The following ANKAR variants were observed in gnomAD, a reference collection of about 807,000 sequenced individuals.
ANKAR encodes the protein ankyrin and armadillo repeat-containing protein.
A neutral mutation model predicts 146.2 loss-of-function variants in ANKAR; 136 were observed. That is an observed-to-expected ratio of 0.93 (90% CI 0.81 to 1.07). The LOEUF (loss-of-function observed/expected upper bound fraction) is 1.07, where lower values mean the gene tolerates loss of function less well. Ranked by LOEUF, ANKAR falls within the 50% of genes least tolerant of loss-of-function variation. The pLI is 0.00. For synonymous variants in ANKAR, 500 were observed against 575.8 expected (o/e 0.87, Z 1.88); for missense variants, 1,567 against 1,679.9 (o/e 0.93, Z 1.18).
chr2:189,707,425 C>A (rs1574509771), intron 9 of ANKAR, among the ~76,000 whole-genome samples: 1 of 111,678 alleles, frequency 9.0e-6, no homozygotes, highest in Admixed American at 1.3e-4. Context: ...CAACTTTCTC[C>A]AGAAGTTCAA....
At chr2:189,681,764 G>A (rs765668671) in intron 2 of ANKAR, among the ~76,000 whole-genome samples, 1 of 152,180 alleles carries the variant, frequency 6.6e-6, no homozygotes, top group Non-Finnish European at 1.5e-5. Flanking sequence ...GCTTGGGGCT[G>A]CAGCAATTCA....
Position 189,689,539 on chromosome 2 carries a change from T to C in ANKAR, c.614T>C (p.Ile205Thr), listed in dbSNP as rs769330346. ...TTTTATCATGAAGGTTTGACTGATA[T>C]TACAAAGGATCCAGACTTTAATGAA... ...SEFSSAGLTD[I>T]TKDPDFNEIY... Residue 205 changes from isoleucine to threonine, a missense_variant, in exon 3 of 23, where the codon ATT becomes ACT. Physicochemically the swap from Ile to Thr is moderately conservative, Grantham distance 89 (BLOSUM62 -1). Transcript: ENST00000684021. 1 of 1,576,404 alleles carries C rather than the reference T, an allele frequency of 6.3e-7. No individual in the cohort carries two copies. Among genetic ancestry groups the C allele is most frequent in the South Asian group, 1.2e-5 (1 of 84,536 alleles).
At chr2:189,725,695 C>T (rs186698932) in intron 12 of ANKAR, among the ~76,000 whole-genome samples, 2 of 152,158 alleles carry the variant, frequency 1.3e-5, no homozygotes, top group East Asian at 1.9e-4. Context: ...ATAGCTTGAG[C>T]TCATGAGTTC....
intron 18 of ANKAR, among the ~76,000 whole-genome samples, chr2:189,756,303 G>A (rs1370727695): frequency 6.6e-6 from 1 of 152,064 alleles, no homozygotes; most frequent in Non-Finnish European, 1.5e-5. Context: ...CAAGTGTAAA[G>A]AACTAAGAGA....
rs905469974 is a variant in ANKAR, at chr2:189,692,335, G to A, written c.1120G>A (p.Glu374Lys). ...TAAATGCCAGAATTTTCACTACAAA[G>A]AGAATCAATATTTTCATGTTCATGG... is the stretch of plus-strand genomic sequence containing the variant. ...DFKCQNFHYK[E>K]NQYFHVHGGI... Residue 374 changes from glutamate to lysine, a missense_variant, in exon 4 of 23, where the codon GAG (glutamate) becomes AAG (lysine). By Grantham distance (56) the Glu-to-Lys change is moderately conservative. Transcript: ENST00000684021. 1 of 1,613,360 alleles carries A rather than the reference G, an allele frequency of 6.2e-7. No homozygotes were observed. Among genetic ancestry groups the A allele is most frequent in the South Asian group, 1.1e-5 (1 of 90,882 alleles).
At position 189,695,028 on chromosome 2, in the gene ANKAR, A is replaced by G. The variant is rs780056581; in HGVS notation, c.1355A>G (p.Tyr452Cys). The G allele has an allele frequency of 1.9e-5, 30 of 1,608,904 alleles. No homozygotes were observed. Among genetic ancestry groups the G allele is most frequent in the Admixed American group, 1.0e-4 (6 of 59,560 alleles). Residue 452 changes from tyrosine (Y) to cysteine (C), a missense_variant, in exon 6 of 23, where the codon TAT becomes TGT. Transcript: ENST00000684021. ...CTAGAAACTTTCTATCAGCAACTAT[A>G]TAAGACACAGTGGTGGGGAGCCATA... ...FELETFYQQL[Y>C]KTQWWGAINE...
At chr2:189,681,196 A>G (rs1018858597) in intron 2 of ANKAR, among the ~76,000 whole-genome samples, 3 of 152,222 alleles carry the variant, frequency 2.0e-5, no homozygotes, top group Non-Finnish European at 4.4e-5. Flanking sequence ...GTCAAATTCT[A>G]GAAAGTGATA....
intron 18 of ANKAR, chr2:189,752,578 C>T (rs2045440595): frequency 3.4e-6 from 5 of 1,452,354 alleles, no homozygotes; most frequent in Non-Finnish European, 4.8e-6. Context: ...ATGAAAACCT[C>T]ATATATAAAG....
intron 5 of ANKAR, among the ~76,000 whole-genome samples, chr2:189,693,940 G>A (rs576977433): frequency 2.2e-4 from 33 of 152,196 alleles, no homozygotes; most frequent in African/African-American, 7.9e-4. Context: ...GTAGAGAAGA[G>A]GTTTTGCCAT....
intron 1 of ANKAR, 98 bp from the exon 2 acceptor site, chr2:189,676,358 C>T: frequency 2.8e-6 from 3 of 1,084,756 alleles, no homozygotes; most frequent in Non-Finnish European, 3.8e-6. Context: ...AAAAATTAAT[C>T]TTATGTAGGT....
chr2:189,704,596 T>TATATATA (rs2038649432), intron 7 of ANKAR, among the ~76,000 whole-genome samples: 1 of 105,312 alleles, frequency 9.5e-6, no homozygotes, highest in African/African-American at 3.6e-5. Context: ...TATATATATA[T>TATATATA]AATTTTAATT....
intron 1 of ANKAR, among the ~76,000 whole-genome samples, chr2:189,675,349 G>A (rs1167992767): frequency 2.0e-5 from 3 of 152,054 alleles, no homozygotes. Flanking sequence ...TGAAGGTTAA[G>A]CAAATGCTTC....
intron 9 of ANKAR, 53 bp from the exon 10 acceptor site, chr2:189,710,996 T>C (rs565482557): frequency 6.8e-7 from 1 of 1,477,402 alleles, no homozygotes; most frequent in African/African-American, 1.4e-5. Context: ...ATCAAGCATT[T>C]CATTGCCTTT....
downstream of ANKAR, chr2:189,761,348 A>G: frequency 5.3e-6 from 8 of 1,500,800 alleles, no homozygotes; most frequent in East Asian, 1.8e-4. Context: ...AAACTTTTAT[A>G]TATGACAAAT....
At chr2:189,728,860 G>T in intron 15 of ANKAR, 39 bp downstream of exon 15, 1 of 1,573,110 alleles carries the variant, frequency 6.4e-7, no homozygotes, top group Non-Finnish European at 8.7e-7. Flanking sequence ...ATATCTGTAA[G>T]AACAAGAACA....
chr2:189,712,806 C>T (rs141667148), intron 10 of ANKAR, among the ~76,000 whole-genome samples: 5,211 of 152,182 alleles, frequency 0.034, 109 homozygotes, highest in Non-Finnish European at 0.051. Context: ...TTCAGAAGGT[C>T]GGTAATAACA....
At chr2:189,712,931 G>T (rs892381687) in intron 10 of ANKAR, among the ~76,000 whole-genome samples, 7 of 152,166 alleles carry the variant, frequency 4.6e-5, no homozygotes, top group African/African-American at 1.7e-4. Flanking sequence ...GACCTTAAAT[G>T]ACCAGATGGA....
intron 2 of ANKAR, among the ~76,000 whole-genome samples, chr2:189,688,233 A>G (rs1016426793): frequency 2.0e-5 from 3 of 152,122 alleles, no homozygotes; most frequent in Non-Finnish European, 4.4e-5. Context: ...TTTCCCCAGC[A>G]TATGTTCTTG....
chr2:189,698,724 G>A (rs890684772), intron 7 of ANKAR, among the ~76,000 whole-genome samples: 39 of 152,158 alleles, frequency 2.6e-4, no homozygotes, highest in African/African-American at 9.2e-4. Context: ...ACCTCAGAGA[G>A]GGAGCCCGAC....
Sources: allele counts gnomAD v4.1 joint callset (sites outside exome capture counted in the v4.1 genomes callset), GRCh38; gene constraint gnomAD v4.1.1; transcripts MANE v1.5; gene names NCBI Gene and HGNC (gene_info 2026-07-23, HGNC 2026-07-21).